FHOD3: variants seen among roughly 807,000 people sequenced by gnomAD.
FHOD3 encodes the protein formin homology 2 domain containing 3.
In FHOD3, 90 loss-of-function variants were observed where a neutral mutation model predicts 173.0. The observed-to-expected ratio is 0.52, with a 90% CI of 0.44 to 0.62. The LOEUF (loss-of-function observed/expected upper bound fraction) is 0.62. Among genes scored for constraint, FHOD3 ranks in the 20% least tolerant of loss-of-function variants. FHOD3 has a pLI of 0.00. For synonymous variants in FHOD3, 828 were observed against 823.0 expected (o/e 1.01, Z -0.10); for missense variants, 1,945 against 2,034.7 (o/e 0.96, Z 0.85).
At chr18:36,669,883 G>T (rs901316287) in intron 14 of FHOD3, among the ~76,000 whole-genome samples, 2 of 151,808 alleles carry the variant, frequency 1.3e-5, no homozygotes, top group African/African-American at 2.4e-5. Flanking sequence ...TGGCCATGTG[G>T]TATTATTTAT....
At chr18:36,554,749 T>C (rs2147452763) in intron 5 of FHOD3, among the ~76,000 whole-genome samples, 1 of 152,370 alleles carries the variant, frequency 6.6e-6, no homozygotes, top group South Asian at 2.1e-4. Context: ...GCAAATTCTA[T>C]TTCTTTAATA....
rs563745956 is a variant in FHOD3 at position 36,730,182 on chromosome 18, A to G, written c.3418-464A>G. On this transcript the variant is annotated intron_variant, in intron 19 of 28. Coordinates refer to ENST00000590592, the MANE Select transcript of FHOD3 (RefSeq NM_001281740.3). The stretch of plus-strand genomic sequence containing the variant: ...TACAGCTGTAGATCTGGAGGGGCTG[A>G]CAGGCCAATGGTGCTGTATTCTCCT... 3.9e-5 allele frequency among the ~76,000 whole-genome samples: 6 copies of G among 152,262 alleles called. No individual in the cohort carries two copies. The South Asian group carries it at 1.0e-3, about 26-fold the overall frequency.
At chr18:36,636,713 C>T (rs1217682246) in intron 10 of FHOD3, among the ~76,000 whole-genome samples, 1 of 147,102 alleles carries the variant, frequency 6.8e-6, no homozygotes, top group Non-Finnish European at 1.5e-5. Flanking sequence ...AGATTAAAAA[C>T]TGACTAGAGA....
intron 5 of FHOD3, among the ~76,000 whole-genome samples, chr18:36,526,673 G>A (rs898826195): frequency 1.8e-4 from 28 of 152,194 alleles, no homozygotes; most frequent in African/African-American, 6.3e-4. Flanking sequence ...GAAGTGCTGA[G>A]ATTACAGATG....
chr18:36,415,600 T>C (rs1458106797), intron 3 of FHOD3, among the ~76,000 whole-genome samples: 1 of 152,254 alleles, frequency 6.6e-6, no homozygotes, highest in Non-Finnish European at 1.5e-5. Context: ...TCAGGCAACT[T>C]AATTGGTTGA....
chr18:36,675,270 A>G (rs1411379136), intron 14 of FHOD3, among the ~76,000 whole-genome samples: 1 of 151,836 alleles, frequency 6.6e-6, no homozygotes, highest in Non-Finnish European at 1.5e-5. Flanking sequence ...CACATGTCTC[A>G]GTCCCTTTCC....
At chr18:36,485,364 T>A (rs1031024845) in intron 3 of FHOD3, among the ~76,000 whole-genome samples, 4 of 152,116 alleles carry the variant, frequency 2.6e-5, no homozygotes, top group Non-Finnish European at 2.9e-5. Flanking sequence ...TAGACCTCAG[T>A]GTGAATTGAT....
intron 5 of FHOD3, among the ~76,000 whole-genome samples, chr18:36,554,242 G>A (rs1243434504): frequency 6.6e-6 from 1 of 152,076 alleles, no homozygotes; most frequent in Non-Finnish European, 1.5e-5. Flanking sequence ...CAACCCAAAT[G>A]TCCATCAATG....
At chr18:36,360,116 G>A (rs909442488) in intron 2 of FHOD3, among the ~76,000 whole-genome samples, 77 of 152,336 alleles carry the variant, frequency 5.1e-4, no homozygotes, top group Admixed American at 2.5e-3. Context: ...ACCAATGCCA[G>A]CCTGGGTCCA....
At chr18:36,514,024 T>TG in intron 5 of FHOD3, among the ~76,000 whole-genome samples, 1 of 141,632 alleles carries the variant, frequency 7.1e-6, no homozygotes, top group Non-Finnish European at 1.6e-5. Flanking sequence ...CTTTTTTTTT[T>TG]TTGAGATGGA....
intron 3 of FHOD3, among the ~76,000 whole-genome samples, chr18:36,497,074 C>T (rs1350276593): frequency 1.3e-5 from 2 of 152,164 alleles, no homozygotes; most frequent in East Asian, 1.9e-4. Context: ...TGAGAATTCT[C>T]TTGCTTAAAA....
chr18:36,332,629 C>T (rs1209670146), intron 1 of FHOD3, among the ~76,000 whole-genome samples: 2 of 152,232 alleles, frequency 1.3e-5, no homozygotes, highest in Non-Finnish European at 2.9e-5. Flanking sequence ...GTGTCCTAGA[C>T]AACTGGTCCC....
At chr18:36,376,244 G>GTT (rs1194722265) in intron 3 of FHOD3, among the ~76,000 whole-genome samples, 2 of 152,258 alleles carry the variant, frequency 1.3e-5, no homozygotes, top group South Asian at 2.1e-4. Flanking sequence ...AGACCCTAAA[G>GTT]TTAATATGTG....
intron 3 of FHOD3, among the ~76,000 whole-genome samples, chr18:36,466,197 C>A (rs954374730): frequency 6.6e-6 from 1 of 152,230 alleles, no homozygotes; most frequent in African/African-American, 2.4e-5. Flanking sequence ...GGCTATCCCG[C>A]AGAGACATGA....
chr18:36,622,645 A>G (rs1256646634), intron 9 of FHOD3, among the ~76,000 whole-genome samples: 3 of 152,202 alleles, frequency 2.0e-5, no homozygotes, highest in African/African-American at 7.2e-5. Flanking sequence ...GACTGGCTCT[A>G]TCTCACTTAG....
chr18:36,580,968 G>GTC (rs1196588496), intron 6 of FHOD3, among the ~76,000 whole-genome samples: 1 of 152,200 alleles, frequency 6.6e-6, no homozygotes, highest in Non-Finnish European at 1.5e-5. Context: ...GAAACATCTT[G>GTC]TCACTGTGTT....
intron 27 of FHOD3, among the ~76,000 whole-genome samples, chr18:36,763,910 C>T (rs917408912): frequency 6.6e-6 from 1 of 152,100 alleles, no homozygotes; most frequent in Non-Finnish European, 1.5e-5. Context: ...TCTCTGAGAT[C>T]GGGTCTTTCC....
At chr18:36,323,667 G>A (rs958290536) in intron 1 of FHOD3, among the ~76,000 whole-genome samples, 9 of 152,212 alleles carry the variant, frequency 5.9e-5, no homozygotes, top group Non-Finnish European at 1.2e-4. Context: ...AGGAAGTAAA[G>A]CACTCCTGTC....
intron 5 of FHOD3, among the ~76,000 whole-genome samples, chr18:36,515,884 G>A (rs1375573732): frequency 6.6e-6 from 1 of 152,186 alleles, no homozygotes; most frequent in Non-Finnish European, 1.5e-5. Flanking sequence ...GAACAGAGGT[G>A]CCTTTGCATG....
Sources: allele counts gnomAD v4.1 joint callset (sites outside exome capture counted in the v4.1 genomes callset), GRCh38; gene constraint gnomAD v4.1.1; transcripts MANE v1.5; gene names NCBI Gene and HGNC (gene_info 2026-07-23, HGNC 2026-07-21).